Variants in SGPL1 observed in about 807,000 individuals in gnomAD.
SGPL1 encodes the protein sphingosine-1-phosphate lyase 1.
Under a neutral mutation model 68.9 loss-of-function variants are expected in SGPL1, and 37 were observed. The ratio of observed to expected loss-of-function variants is 0.54; its 90% CI spans 0.41 to 0.71. SGPL1 has a LOEUF of 0.71. Among genes scored for constraint, SGPL1 ranks in the 30% least tolerant of loss-of-function variants. The probability of loss-of-function intolerance (pLI) is 0.00; values close to 1 mark genes in which losing one functional copy is unlikely to be tolerated. For synonymous variants in SGPL1, 236 were observed against 248.5 expected, an observed-to-expected ratio of 0.95 and a Z score of 0.47; for missense variants, 551 against 704.6, an observed-to-expected ratio of 0.78 and a Z score of 2.47.
chr10:70,822,039 C>T (rs559556910), intron 2 of SGPL1, among the ~76,000 whole-genome samples: 20 of 152,286 alleles, frequency 1.3e-4, no homozygotes, highest in African/African-American at 4.3e-4. Flanking sequence ...GGTCCTTGAG[C>T]GTCTTTATCT....
chr10:70,841,210 C>T (rs951873184), intron 2 of SGPL1, among the ~76,000 whole-genome samples: 5 of 152,066 alleles, frequency 3.3e-5, no homozygotes, highest in African/African-American at 9.7e-5. Context: ...GAATGGCCAC[C>T]AAGAACTGTT....
At chr10:70,868,918 A>C (rs1455848437) in intron 8 of SGPL1, among the ~76,000 whole-genome samples, 1 of 152,214 alleles carries the variant, frequency 6.6e-6, no homozygotes, top group African/African-American at 2.4e-5. Context: ...AGATTTACCC[A>C]CATTGCCTTC....
Position 70,878,218 on chromosome 10 carries a change from C to G in SGPL1, c.*883C>G, listed in dbSNP as rs76223172. The G allele has an allele frequency of 6.6e-6, 1 of 152,382 alleles. No individual in the cohort carries two copies. The highest frequency in any genetic ancestry group is 2.1e-4 in the South Asian group (1 of 4,824). The allele number at this position is 152,382 out of a possible 1,614,324, so 9.4% of individuals were successfully genotyped here. ...CCAGGGCACAGATCGACCAAGCTGC[C>G]GTTCCCTATTCTGCAGGACAGGACT... On this transcript the variant is annotated 3_prime_UTR_variant, in exon 15 of 15. Transcript: ENST00000373202.
intron 5 of SGPL1, 34 bp from the exon 6 acceptor site, chr10:70,857,580 G>A: frequency 6.4e-7 from 1 of 1,552,412 alleles, no homozygotes; most frequent in Non-Finnish European, 8.9e-7. Context: ...AGAGATTCTT[G>A]CTTACTGACC....
intron 1 of SGPL1, among the ~76,000 whole-genome samples, chr10:70,816,585 A>T (rs1451044170): frequency 6.6e-6 from 1 of 151,976 alleles, no homozygotes; most frequent in Non-Finnish European, 1.5e-5. Context: ...GCTTTGTGGG[A>T]GTCTGGGTCT....
intron 10 of SGPL1, among the ~76,000 whole-genome samples, 165 bp downstream of exon 10, chr10:70,871,311 A>G (rs1846291705): frequency 6.6e-6 from 1 of 152,228 alleles, no homozygotes; most frequent in Non-Finnish European, 1.5e-5. Context: ...CTCAGTTGCA[A>G]GCCTTTAAAA....
intron 2 of SGPL1, among the ~76,000 whole-genome samples, chr10:70,834,401 T>C (rs1845592275): frequency 6.6e-6 from 1 of 152,184 alleles, no homozygotes; most frequent in Non-Finnish European, 1.5e-5. Flanking sequence ...CACATTTTGG[T>C]ATTAGTCTGT....
At chr10:70,817,309 G>A (rs986875244) in intron 2 of SGPL1, among the ~76,000 whole-genome samples, 1 of 152,192 alleles carries the variant, frequency 6.6e-6, no homozygotes, top group African/African-American at 2.4e-5. Context: ...GTGAGCCACC[G>A]CGCCTGGCCA....
At chr10:70,850,661 GT>G (rs1420349313) in intron 3 of SGPL1, among the ~76,000 whole-genome samples, 1 of 152,088 alleles carries the variant, frequency 6.6e-6, no homozygotes, top group African/African-American at 2.4e-5. Context: ...TAAGGGGCAG[GT>G]TAAATAAATT....
intron 3 of SGPL1, among the ~76,000 whole-genome samples, chr10:70,847,369 G>C (rs1845808215): frequency 6.6e-6 from 1 of 152,026 alleles, no homozygotes. Flanking sequence ...GGCTGGTTTT[G>C]AACTCCTGAC....
intron 7 of SGPL1, among the ~76,000 whole-genome samples, chr10:70,863,417 T>C (rs1229921023): frequency 2.0e-5 from 3 of 151,676 alleles, no homozygotes; most frequent in Admixed American, 2.0e-4. Flanking sequence ...AATTCCAATA[T>C]CCATGAGCCT....
At chr10:70,873,808 G>A (rs963876502) in intron 12 of SGPL1, among the ~76,000 whole-genome samples, 1 of 152,188 alleles carries the variant, frequency 6.6e-6, no homozygotes, top group Non-Finnish European at 1.5e-5. Context: ...TTTGAGACGG[G>A]GGCCTCATTT....
chr10:70,847,624 T>C (rs1171254400), intron 3 of SGPL1, among the ~76,000 whole-genome samples: 1 of 152,168 alleles, frequency 6.6e-6, no homozygotes, highest in Non-Finnish European at 1.5e-5. Context: ...AAATGTAATT[T>C]TGTAAAAAAA....
intron 2 of SGPL1, among the ~76,000 whole-genome samples, chr10:70,829,056 C>A (rs1436621579): frequency 6.6e-6 from 1 of 152,092 alleles, no homozygotes; most frequent in African/African-American, 2.4e-5. Flanking sequence ...GGAAGAAAGC[C>A]TAAGACTCTG....
Position 70,878,576 on chromosome 10 carries a change from C to T in SGPL1, c.*1241C>T, listed in dbSNP as rs1846441426. ...TGAACACCCAGATTCAAATATGTCA[C>T]CAAAGTTGGTGGTGGTCCTTCCCTG... On this transcript the variant is annotated 3_prime_UTR_variant, in exon 15 of 15. Transcript: ENST00000373202. 6.6e-6 allele frequency: 1 copy of T among 152,198 alleles called. No individual in the cohort carries two copies. The highest frequency in any genetic ancestry group is 2.1e-4 in the South Asian group (1 of 4,828). 9.4% of individuals were successfully genotyped at this position (152,198 alleles called of 1,614,324 possible). A position where few individuals can be genotyped will look rare whatever the true frequency, so the allele number is the denominator to read the frequency against.
intron 2 of SGPL1, among the ~76,000 whole-genome samples, chr10:70,838,699 T>C (rs1049985057): frequency 2.6e-5 from 4 of 152,198 alleles, no homozygotes; most frequent in African/African-American, 7.2e-5. Context: ...AACTGCAGAT[T>C]ATGATCCATT....
Position 70,849,420 on chromosome 10 carries a change from A to T in SGPL1, c.194-1723A>T, listed in dbSNP as rs185949484. ...TTTTACATTATACAGAATCTCAGGT[A>T]TGTATTACAGTGTGTAGAACATAGG... On this transcript the variant is annotated intron_variant, in intron 3 of 14. Transcript: ENST00000373202. 1.6e-3 allele frequency among the ~76,000 whole-genome samples: 247 copies of T among 152,316 alleles called. 7 individuals carry two copies. In the South Asian group the frequency reaches 0.033, roughly 21 times the overall value.
intron 2 of SGPL1, among the ~76,000 whole-genome samples, chr10:70,832,893 T>A (rs1845568501): frequency 6.6e-6 from 1 of 152,202 alleles, no homozygotes. Flanking sequence ...TTTTATGCAT[T>A]TAGTCTTCTC....
intron 2 of SGPL1, among the ~76,000 whole-genome samples, chr10:70,829,177 G>C (rs1845490690): frequency 6.6e-6 from 1 of 152,224 alleles, no homozygotes; most frequent in East Asian, 1.9e-4. Flanking sequence ...GATCTGTAAA[G>C]ATAGTAGGTA....
Sources: allele counts gnomAD v4.1 joint callset (sites outside exome capture counted in the v4.1 genomes callset), GRCh38; gene constraint gnomAD v4.1.1; transcripts MANE v1.5; gene names NCBI Gene and HGNC (gene_info 2026-07-23, HGNC 2026-07-21).